Variants in FAM120B observed in about 807,000 individuals in gnomAD.
FAM120B encodes constitutive coactivator of peroxisome proliferator-activated receptor gamma.
Under a neutral mutation model 96.3 loss-of-function variants are expected in FAM120B, and 83 were observed. The ratio of observed to expected loss-of-function variants is 0.86; its 90% CI spans 0.72 to 1.03. The LOEUF is 1.03. Ranked by LOEUF, FAM120B falls within the 50% of genes least tolerant of loss-of-function variation. The pLI is 0.00. For missense variants in FAM120B, 1,027 were observed against 1,121.2 expected, an observed-to-expected ratio of 0.92 and a Z score of 1.20; for synonymous variants, 407 against 402.7, an observed-to-expected ratio of 1.01 and a Z score of -0.13.
Position 170,323,132 on chromosome 6 carries a change from G to A in FAM120B, c.1788G>A (p.Met596Ile). The A allele has an allele frequency of 6.2e-7, 1 of 1,614,088 alleles. No homozygotes were observed. Among genetic ancestry groups the A allele is most frequent in the South Asian group, 1.1e-5 (1 of 91,080 alleles). Reference sequence around the variant, plus strand: ...AAAGCTACCTGGTGTACAACATCATGAGCAGTGGAGAGATTGAATGCAGCA... The same window carrying A: ...AAAGCTACCTGGTGTACAACATCATAAGCAGTGGAGAGATTGAATGCAGCA... ...QAESYLVYNI[M>I]SSGEIECSNT... The change falls in exon 3 of 11, where the codon ATG becomes ATA. Residue 596 changes from methionine (M) to isoleucine (I), a missense_variant. Around this residue, in one of 3 missense-constraint regions of FAM120B, gnomAD observed 880 missense variants for 980.9 expected, o/e 0.90. Transcript: ENST00000476287.
At chr6:170,369,688 AG>A (rs1789051086) in intron 6 of FAM120B, among the ~76,000 whole-genome samples, 1 of 139,024 alleles carries the variant, frequency 7.2e-6, no homozygotes, top group Admixed American at 7.1e-5. Context: ...AACTTAGGGT[AG>A]TTTTTTTTTT....
At chr6:170,374,890 A>C (rs939829942) in intron 6 of FAM120B, among the ~76,000 whole-genome samples, 6 of 152,256 alleles carry the variant, frequency 3.9e-5, no homozygotes, top group African/African-American at 1.2e-4. Context: ...GTTTGGTGCC[A>C]TCTGTCTTTA....
intron 5 of FAM120B, among the ~76,000 whole-genome samples, chr6:170,351,104 A>G (rs926862770): frequency 5.9e-5 from 9 of 152,232 alleles, no homozygotes; most frequent in African/African-American, 2.2e-4. Context: ...AACCAACTTG[A>G]TGGAGCTGAA....
At chr6:170,376,485 G>A (rs1222612531) in intron 6 of FAM120B, among the ~76,000 whole-genome samples, 3 of 152,012 alleles carry the variant, frequency 2.0e-5, no homozygotes. Context: ...CACGGGGGTG[G>A]GGGGGAGGCG....
chr6:170,358,265 G>T lies in FAM120B; in HGVS notation c.2230G>T (p.Ala744Ser), dbSNP rs767216457. ...LCLEDLHAFI[A>S]QALCLQGKST... ...CCTGGAGGATTTGCATGCGTTTATT[G>T]CGCAGGCCTTGTGCCTCCAAGGAAA... Residue 744 changes from alanine to serine, a missense_variant, in exon 6 of 11, where the codon GCG becomes TCG. Transcript: ENST00000476287. 2 of 1,607,242 alleles carry T rather than the reference G, an allele frequency of 1.2e-6. No individual in the cohort carries two copies. The highest frequency in any genetic ancestry group is 1.7e-6 in the Non-Finnish European group (2 of 1,175,600).
chr6:170,324,527 AAG>A (rs142951770), intron 3 of FAM120B, among the ~76,000 whole-genome samples: 191 of 152,344 alleles, frequency 1.3e-3, no homozygotes, highest in Non-Finnish European at 2.2e-3. Flanking sequence ...TGATGGAAAA[AAG>A]AGATCTTCCT....
intron 1 of FAM120B, among the ~76,000 whole-genome samples, chr6:170,299,252 A>G (rs1173973456): frequency 5.3e-5 from 8 of 152,164 alleles, no homozygotes; most frequent in Non-Finnish European, 1.2e-4. Flanking sequence ...AGGCTTACTC[A>G]TCATTTCTAC....
intron 6 of FAM120B, among the ~76,000 whole-genome samples, chr6:170,374,671 TG>T (rs765902865): frequency 9.2e-5 from 14 of 152,246 alleles, no homozygotes; most frequent in Non-Finnish European, 2.1e-4. Context: ...GTTTTCAGTA[TG>T]GGAAATAATC....
At chr6:170,347,450 T>C (rs1209379778) in intron 4 of FAM120B, among the ~76,000 whole-genome samples, 1 of 152,186 alleles carries the variant, frequency 6.6e-6, no homozygotes, top group African/African-American at 2.4e-5. Flanking sequence ...AGTCAATGAG[T>C]AAGGGTGTTT....
At chr6:170,339,796 A>G (rs980222612) in intron 4 of FAM120B, among the ~76,000 whole-genome samples, 34 of 151,692 alleles carry the variant, frequency 2.2e-4, no homozygotes, top group African/African-American at 8.0e-4. Flanking sequence ...AAAAAAAAAA[A>G]AGAATGTTGG....
intron 6 of FAM120B, among the ~76,000 whole-genome samples, chr6:170,362,187 A>T (rs74858946): frequency 0.014 from 2,203 of 152,306 alleles, 52 homozygotes; most frequent in African/African-American, 0.051. Flanking sequence ...TCTTCAAACA[A>T]CTTGAAGGGG....
intron 6 of FAM120B, among the ~76,000 whole-genome samples, chr6:170,379,023 C>T (rs928793246): frequency 6.6e-6 from 1 of 152,162 alleles, no homozygotes; most frequent in Non-Finnish European, 1.5e-5. Context: ...TGAGGGGTTT[C>T]TCTGGCGTTT....
At chr6:170,357,979 T>C (rs1788066574) in intron 5 of FAM120B, among the ~76,000 whole-genome samples, 1 of 152,132 alleles carries the variant, frequency 6.6e-6, no homozygotes. Flanking sequence ...CCTGTGCGTG[T>C]GCCTGTGTGT....
chr6:170,309,257 G>A (rs1427934095), intron 1 of FAM120B, among the ~76,000 whole-genome samples: 2 of 152,148 alleles, frequency 1.3e-5, no homozygotes, highest in African/African-American at 2.4e-5. Flanking sequence ...CATGTTTAAA[G>A]TTTAAATTAT....
At chr6:170,300,415 T>C (rs1784116094) in intron 1 of FAM120B, among the ~76,000 whole-genome samples, 1 of 152,182 alleles carries the variant, frequency 6.6e-6, no homozygotes, top group African/African-American at 2.4e-5. Flanking sequence ...GTGGGGATTA[T>C]GGGAACTACA....
chr6:170,329,468 C>G (rs186094645), intron 3 of FAM120B, among the ~76,000 whole-genome samples: 3 of 152,148 alleles, frequency 2.0e-5, no homozygotes, highest in Admixed American at 6.5e-5. Flanking sequence ...ACGACCACCC[C>G]CACTGTCCCC....
At position 170,348,337 on chromosome 6, in the gene FAM120B, G is replaced by T. The variant is rs747622102; in HGVS notation, c.2190+14G>T. 2.5e-6 allele frequency: 4 copies of T among 1,611,288 alleles called. No homozygotes were observed. The highest frequency in any genetic ancestry group is 3.4e-6 in the Non-Finnish European group (4 of 1,179,172). On this transcript the variant is annotated intron_variant, in intron 5 of 10. Coordinates refer to ENST00000476287, the MANE Select transcript of FAM120B (RefSeq NM_032448.3). ...CTCTTTGTCCAGGTAATGTCCAGCT[G>T]CCCGTTCTAGTCACTGCAGCCTGCG...
intron 5 of FAM120B, among the ~76,000 whole-genome samples, chr6:170,356,431 TAC>T (rs1478640029): frequency 6.6e-6 from 1 of 152,232 alleles, no homozygotes; most frequent in Non-Finnish European, 1.5e-5. Flanking sequence ...ATAAAAATAT[TAC>T]AGTTTTATAT....
chr6:170,391,526 C>G (rs561193901), intron 8 of FAM120B, among the ~76,000 whole-genome samples: 1 of 151,524 alleles, frequency 6.6e-6, no homozygotes, highest in South Asian at 2.1e-4. Context: ...CAGATCGAGA[C>G]TCCATCTCAA....
Sources: gnomAD v4.1 joint callset for allele counts (sites outside exome capture counted in the v4.1 genomes callset) on GRCh38, gnomAD v4.1.1 for gene constraint, gnomAD v4.1.1 regional missense constraint, MANE v1.5 for transcripts, NCBI Gene and HGNC (gene_info 2026-07-23, HGNC 2026-07-21) for gene names.